Variants in NR3C1 observed in about 807,000 individuals in gnomAD.
The protein encoded by NR3C1 is glucocorticoid receptor.
A neutral mutation model predicts 74.0 loss-of-function variants in NR3C1; 14 were observed. That is an observed-to-expected ratio of 0.19 (90% CI 0.12 to 0.30). The LOEUF (loss-of-function observed/expected upper bound fraction) is 0.30. Ranked by LOEUF, NR3C1 falls within the 10% of genes least tolerant of loss-of-function variation. NR3C1 has a pLI of 1.00. For synonymous variants in NR3C1, 308 were observed against 332.5 expected (o/e 0.93, Z 0.80); for missense variants, 695 against 909.8 (o/e 0.76, Z 3.04).
chr5:143,356,458 T>C (rs542145939), intron 2 of NR3C1, among the ~76,000 whole-genome samples: 67 of 152,072 alleles, frequency 4.4e-4, no homozygotes, highest in Non-Finnish European at 8.4e-4. Flanking sequence ...ATCAACAATT[T>C]CACTTAATTC....
chr5:143,314,325 C>T (rs975570125), intron 2 of NR3C1, among the ~76,000 whole-genome samples, 157 bp from the exon 3 acceptor site: 8 of 151,976 alleles, frequency 5.3e-5, no homozygotes, highest in African/African-American at 1.9e-4. Flanking sequence ...ATATTCAAAT[C>T]ATGTTATATT....
intron 8 of NR3C1, 29 bp from the exon 9 acceptor site, chr5:143,282,070 G>A: frequency 6.2e-7 from 1 of 1,612,862 alleles, no homozygotes; most frequent in Non-Finnish European, 8.5e-7. Context: ...TAATGATCAG[G>A]CTTCCAAATT....
chr5:143,286,610 C>CAAGGGTCAACTACATACTCTCTAG (rs1254022365), intron 7 of NR3C1, among the ~76,000 whole-genome samples: 3 of 152,014 alleles, frequency 2.0e-5, no homozygotes, highest in African/African-American at 7.2e-5. Flanking sequence ...TGGCAAGTCA[C>CAAGGGTCAACTACATACTCTCTAG]AAGGGTCAAC....
chr5:143,370,148 GCC>G (rs1833990759), intron 2 of NR3C1, among the ~76,000 whole-genome samples: 1 of 152,046 alleles, frequency 6.6e-6, no homozygotes, highest in Admixed American at 6.5e-5. Flanking sequence ...CAATCCCTTT[GCC>G]CATGCTGCCC....
intron 2 of NR3C1, among the ~76,000 whole-genome samples, chr5:143,334,366 G>C (rs1052709198): frequency 1.8e-4 from 28 of 152,186 alleles, no homozygotes; most frequent in South Asian, 1.2e-3. Context: ...TGGGCAACAA[G>C]CGAAACTCTG....
Position 143,281,174 on chromosome 5 carries a change from T to A in NR3C1, c.*715A>T, listed in dbSNP as rs1469168065. 2 of 149,000 alleles carry A rather than the reference T, an allele frequency of 1.3e-5. No individual in the cohort carries two copies. Among genetic ancestry groups the A allele is most frequent in the Admixed American group, 6.8e-5 (1 of 14,616 alleles). The allele number at this position is 149,000 out of a possible 1,614,324, so 9.2% of individuals were successfully genotyped here. A position where few individuals can be genotyped will look rare whatever the true frequency, so the allele number is the denominator to read the frequency against. Reference sequence around the variant, plus strand: ...TGGAGATTTGAGTCAATTTTTGTGGTCTTCTGATAGCTAAGTGCCATCAGG... The same window carrying A: ...TGGAGATTTGAGTCAATTTTTGTGGACTTCTGATAGCTAAGTGCCATCAGG... On this transcript the variant is annotated 3_prime_UTR_variant, in exon 9 of 9. Transcript: ENST00000394464.
rs115071093 is a variant in NR3C1 at position 143,342,574 on chromosome 5, T to C, written c.1185-28406A>G. Among the ~76,000 whole-genome samples, 956 of 152,334 alleles carry C rather than the reference T, an allele frequency of 6.3e-3. 11 individuals are homozygous for C. Among genetic ancestry groups the C allele is most frequent in the African/African-American group, 0.022 (924 of 41,574 alleles). ...TTGGAAATGTCAGTAAAAACCTTCA[T>C]AGCAGTATGAGAATATGTTTCCAAA... is the stretch of plus-strand genomic sequence containing the variant. On this transcript the variant is annotated intron_variant, in intron 2 of 8. Coordinates refer to ENST00000394464, the MANE Select transcript of NR3C1 (RefSeq NM_000176.3).
chr5:143,390,981 G>A (rs1313729319), intron 2 of NR3C1, among the ~76,000 whole-genome samples: 3 of 151,978 alleles, frequency 2.0e-5, no homozygotes, highest in Admixed American at 6.6e-5. Context: ...TTTCAAAGAG[G>A]AGCAATATAC....
chr5:143,419,401 G>T (rs1751097254), intron 1 of NR3C1, among the ~76,000 whole-genome samples: 1 of 152,150 alleles, frequency 6.6e-6, no homozygotes, highest in Non-Finnish European at 1.5e-5. Context: ...AAGAAATGTG[G>T]CATTCCATGC....
intron 2 of NR3C1, among the ~76,000 whole-genome samples, chr5:143,376,229 A>C (rs1450437563): frequency 6.6e-6 from 1 of 152,260 alleles, no homozygotes; most frequent in Non-Finnish European, 1.5e-5. Context: ...ATGAGATGAT[A>C]CAATGGAAGG....
intron 3 of NR3C1, among the ~76,000 whole-genome samples, chr5:143,311,788 G>GTTTTTTTTTTTTTTT (rs34827388): frequency 1.7e-5 from 2 of 119,414 alleles, no homozygotes; most frequent in Non-Finnish European, 1.7e-5. Flanking sequence ...CCTGGATAAC[G>GTTTTTTTTTTTTTTT]TTTTTTTTTT....
chr5:143,434,690 T>A, exon 1 of NR3C1: 4 of 985,428 alleles, frequency 4.1e-6, no homozygotes, highest in Non-Finnish European at 4.8e-6. Context: ...AAGGCACTCA[T>A]TAAGTGCTTA....
At chr5:143,346,883 A>G (rs1461649585) in intron 2 of NR3C1, among the ~76,000 whole-genome samples, 2 of 152,226 alleles carry the variant, frequency 1.3e-5, no homozygotes, top group Admixed American at 6.5e-5. Flanking sequence ...ATAATTTAAG[A>G]TTGCTTGGCA....
chr5:143,433,345 T>G (rs1751928095), intron 1 of NR3C1, among the ~76,000 whole-genome samples: 1 of 145,846 alleles, frequency 6.9e-6, no homozygotes, highest in South Asian at 2.1e-4. Context: ...GAGATCACCC[T>G]CATTTGCCCA....
At chr5:143,420,069 C>T (rs1301597440) in intron 1 of NR3C1, among the ~76,000 whole-genome samples, 1 of 152,136 alleles carries the variant, frequency 6.6e-6, no homozygotes, top group African/African-American at 2.4e-5. Context: ...CTCTGTTCCC[C>T]CTGGCTCACC....
chr5:143,425,729 G>A (rs917039301), intron 1 of NR3C1, among the ~76,000 whole-genome samples: 2 of 152,164 alleles, frequency 1.3e-5, no homozygotes, highest in East Asian at 3.9e-4. Flanking sequence ...GAAAATAAAT[G>A]TTGGTGAAGA....
chr5:143,403,931 C>A, upstream of NR3C1: 2 of 984,450 alleles, frequency 2.0e-6, no homozygotes, highest in Non-Finnish European at 2.4e-6. Context: ...GCGCTTCGCC[C>A]CCCGCCCCCA....
chr5:143,322,260 G>T (rs1367400709), intron 2 of NR3C1, among the ~76,000 whole-genome samples: 2 of 152,168 alleles, frequency 1.3e-5, no homozygotes, highest in Non-Finnish European at 2.9e-5. Flanking sequence ...TAAAGTCAGG[G>T]TTCAAACCCA....
rs1244641545 is a variant in NR3C1, at chr5:143,399,794, G to A, written c.1046C>T (p.Pro349Leu). The change falls in exon 2 of 9, where the codon CCT (proline) becomes CTT (leucine). Residue 349 changes from proline (P) to leucine (L), a missense_variant. Pro to Leu is a moderately conservative substitution (Grantham distance 98). Coordinates refer to ENST00000394464, the MANE Select transcript of NR3C1 (RefSeq NM_000176.3). ...ASLSQQQDQK[P>L]IFNVIPPIPV... ...AATTGGTGGAATGACATTAAAAATA[G>A]GCTTCTGATCCTGCTGTTGAGAAAG... 5 of 1,614,006 alleles carry A rather than the reference G, an allele frequency of 3.1e-6. No homozygotes were observed. The Admixed American group carries it at 5.0e-5, about 16-fold the overall frequency.
Sources: allele counts gnomAD v4.1 joint callset (sites outside exome capture counted in the v4.1 genomes callset), GRCh38; gene constraint gnomAD v4.1.1; transcripts MANE v1.5; gene names NCBI Gene and HGNC (gene_info 2026-07-23, HGNC 2026-07-21).